CEMIP2: variants seen among roughly 807,000 people sequenced by gnomAD.
CEMIP2 encodes the protein cell migration inducing hyaluronidase 2, also known as cell surface hyaluronidase CEMIP2.
Under a neutral mutation model 146.9 loss-of-function variants are expected in CEMIP2, and 79 were observed. That is an observed-to-expected ratio of 0.54 (90% CI 0.45 to 0.65). The LOEUF (loss-of-function observed/expected upper bound fraction) is 0.65, where lower values mean the gene tolerates loss of function less well. Among genes scored for constraint, CEMIP2 ranks in the 30% least tolerant of loss-of-function variants. CEMIP2 has a pLI of 0.00. For synonymous variants in CEMIP2, 601 were observed against 606.3 expected, an observed-to-expected ratio of 0.99 and a Z score of 0.13; for missense variants, 1,596 against 1,696.2, an observed-to-expected ratio of 0.94 and a Z score of 1.04.
intron 13 of CEMIP2, among the ~76,000 whole-genome samples, chr9:71,716,974 C>T (rs939231669): frequency 1.3e-5 from 2 of 152,138 alleles, no homozygotes; most frequent in African/African-American, 4.8e-5. Context: ...GAAGTCAAGA[C>T]CAGCATGGGC....
chr9:71,715,139 T>C (rs1223004368), intron 14 of CEMIP2, 50 bp from the exon 15 acceptor site: 1 of 1,591,792 alleles, frequency 6.3e-7, no homozygotes. Flanking sequence ...AAAATTTAAA[T>C]GTATTCCCAA....
rs780839691 is a variant in CEMIP2, at chr9:71,717,966, A to G, written c.2381T>C (p.Ile794Thr). 3.1e-6 allele frequency: 5 copies of G among 1,608,722 alleles called. No individual in the cohort carries two copies. The highest frequency in any genetic ancestry group is 4.2e-6 in the Non-Finnish European group (5 of 1,177,530). The change falls in exon 13 of 24, where the codon ATT becomes ACT. Residue 794 changes from isoleucine to threonine, a missense_variant. Transcript: ENST00000377044. ...TACCCACGCTGAATTTTGAACGATA[A>G]TATCTCCTCCTCTGACCCAAGCTCC... The part of the protein sequence containing the change: ...DNGAWVRGGD[I>T]IVQNSAFADN...
Position 71,697,978 on chromosome 9 carries a change from T to C in CEMIP2, c.3597+7A>G, listed in dbSNP as rs1356161087. The C allele has an allele frequency of 2.5e-6, 4 of 1,612,524 alleles. No homozygotes were observed. The highest frequency in any genetic ancestry group is 3.4e-6 in the Non-Finnish European group (4 of 1,179,236). On this transcript the variant is annotated splice_region_variant and intron_variant, in intron 20 of 23. Coordinates refer to ENST00000377044, the MANE Select transcript of CEMIP2 (RefSeq NM_013390.3). ...TTGGCCACAGACCACTTTTCATCCT[T>C]GTTTACCTGCCGAGTGCCACAGCCT... is the stretch of plus-strand genomic sequence containing the variant.
upstream of CEMIP2, among the ~76,000 whole-genome samples, chr9:71,769,267 C>T (rs1439340603): frequency 3.3e-5 from 5 of 152,222 alleles, no homozygotes; most frequent in Non-Finnish European, 7.3e-5. Flanking sequence ...CTGAGCGTGA[C>T]TGCACCCCAT....
At chr9:71,748,234 G>A (rs1332328280) in intron 2 of CEMIP2, among the ~76,000 whole-genome samples, 3 of 152,136 alleles carry the variant, frequency 2.0e-5, no homozygotes, top group Non-Finnish European at 4.4e-5. Flanking sequence ...AAAAATTCCA[G>A]TCTGTTTCCT....
chr9:71,722,864 T>C (rs115575327), intron 11 of CEMIP2, among the ~76,000 whole-genome samples: 12 of 151,968 alleles, frequency 7.9e-5, no homozygotes, highest in African/African-American at 2.7e-4. Flanking sequence ...GATAAGCATA[T>C]GATAAAGGAA....
At chr9:71,700,867 A>G (rs1822539853) in intron 18 of CEMIP2, 43 bp from the exon 19 acceptor site, 2 of 1,554,696 alleles carry the variant, frequency 1.3e-6, no homozygotes, top group Non-Finnish European at 1.7e-6. Context: ...CACTTCAGCC[A>G]TTATCTGTTA....
At chr9:71,748,118 G>A (rs1824140043) in intron 2 of CEMIP2, among the ~76,000 whole-genome samples, 1 of 152,094 alleles carries the variant, frequency 6.6e-6, no homozygotes, top group South Asian at 2.1e-4. Flanking sequence ...TATAAAGAAG[G>A]AAATCCAGTC....
chr9:71,763,495 T>C (rs1824699250), intron 1 of CEMIP2, among the ~76,000 whole-genome samples: 1 of 152,208 alleles, frequency 6.6e-6, no homozygotes, highest in African/African-American at 2.4e-5. Flanking sequence ...AACATCCTAA[T>C]GACACTTCTA....
rs1425231581 is a variant in CEMIP2 at position 71,683,387 on chromosome 9, T to C, written c.*1810A>G. On this transcript the variant is annotated 3_prime_UTR_variant, in exon 24 of 24. Coordinates refer to ENST00000377044, the MANE Select transcript of CEMIP2 (RefSeq NM_013390.3). ...TATATAAAATACATGCACACATATT[T>C]TTATTTAACTTAGGCCCTGATTATT... 6.6e-6 allele frequency: 1 copy of C among 152,228 alleles called. No individual in the cohort carries two copies. The allele number at this position is 152,228 out of a possible 1,614,324, so 9.4% of individuals were successfully genotyped here.
intron 18 of CEMIP2, among the ~76,000 whole-genome samples, chr9:71,701,722 T>G (rs553018169): frequency 1.3e-5 from 2 of 152,328 alleles, no homozygotes; most frequent in African/African-American, 4.8e-5. Context: ...TTAGTGTCCT[T>G]AAATATAAAA....
At position 71,750,500 on chromosome 9, in the gene CEMIP2, G is replaced by T. The variant is rs2132020313; in HGVS notation, c.-12-115C>A. 1.0e-5 allele frequency: 8 copies of T among 799,954 alleles called. No individual in the cohort carries two copies. In the South Asian group the frequency reaches 1.8e-4, roughly 18 times the overall value. 49.6% of individuals were successfully genotyped at this position (799,954 alleles called of 1,614,324 possible). On this transcript the variant is annotated intron_variant, in intron 1 of 23. Coordinates refer to ENST00000377044, the MANE Select transcript of CEMIP2 (RefSeq NM_013390.3). ...CTTGTTGCCCACACTGGAGTGCAATGGCATGATCTCGGCTCACCGCCACCT... is the reference window on the plus strand; with the variant it reads ...CTTGTTGCCCACACTGGAGTGCAATTGCATGATCTCGGCTCACCGCCACCT...
intron 12 of CEMIP2, among the ~76,000 whole-genome samples, chr9:71,721,667 G>A (rs1823236316): frequency 6.6e-6 from 1 of 152,162 alleles, no homozygotes; most frequent in South Asian, 2.1e-4. Context: ...TTTCCTAAGT[G>A]TCTGTCAACA....
intron 22 of CEMIP2, among the ~76,000 whole-genome samples, chr9:71,689,241 T>C (rs970750298): frequency 1.3e-4 from 20 of 152,252 alleles, no homozygotes; most frequent in South Asian, 4.1e-4. Context: ...AGTGACTTCA[T>C]AGAATTTATT....
intron 17 of CEMIP2, 64 bp from the exon 18 acceptor site, chr9:71,704,867 T>C: frequency 6.6e-7 from 1 of 1,506,578 alleles, no homozygotes; most frequent in African/African-American, 1.4e-5. Context: ...AAAAGACATT[T>C]TCAGCACAAA....
At chr9:71,711,396 A>T (rs1410088212) in intron 16 of CEMIP2, among the ~76,000 whole-genome samples, 1 of 34,780 alleles carries the variant, frequency 2.9e-5, no homozygotes, top group African/African-American at 6.8e-5. Context: ...TTTCTCTATT[A>T]AAAAAAAAAA....
intron 17 of CEMIP2, among the ~76,000 whole-genome samples, chr9:71,706,288 T>C (rs2131894219): frequency 6.6e-6 from 1 of 151,884 alleles, no homozygotes; most frequent in Admixed American, 6.6e-5. Flanking sequence ...TACAAATAGT[T>C]AAATCATGAT....
intron 14 of CEMIP2, among the ~76,000 whole-genome samples, chr9:71,716,300 G>A (rs1823055350): frequency 1.3e-5 from 2 of 151,322 alleles, no homozygotes; most frequent in Admixed American, 1.3e-4. Context: ...ATCCTTCTGT[G>A]AAATTCCAGC....
chr9:71,733,508 C>T (rs7030493), intron 6 of CEMIP2, among the ~76,000 whole-genome samples: 17,975 of 152,022 alleles, frequency 0.12, 1,195 homozygotes, highest in African/African-American at 0.17. Flanking sequence ...ACAATGTTGA[C>T]GGAAGCACAG....
Sources: allele counts gnomAD v4.1 joint callset (sites outside exome capture counted in the v4.1 genomes callset), GRCh38; gene constraint gnomAD v4.1.1; transcripts MANE v1.5; gene names NCBI Gene and HGNC (gene_info 2026-07-23, HGNC 2026-07-21).